The following KHDRBS2 variants were observed in gnomAD, a reference collection of about 807,000 sequenced individuals.
The protein encoded by KHDRBS2 is KH RNA binding domain containing, signal transduction associated 2, also known as KH domain-containing, RNA-binding, signal transduction-associated protein 2.
A neutral mutation model predicts 44.3 loss-of-function variants in KHDRBS2; 26 were observed. The ratio of observed to expected loss-of-function variants is 0.59; its 90% CI spans 0.43 to 0.81. The LOEUF (loss-of-function observed/expected upper bound fraction) is 0.81. Among genes scored for constraint, KHDRBS2 ranks in the 40% least tolerant of loss-of-function variants. The pLI is 0.00. For synonymous variants in KHDRBS2, 194 were observed against 151.1 expected, an observed-to-expected ratio of 1.28 and a Z score of -2.08; for missense variants, 476 against 433.1, an observed-to-expected ratio of 1.10 and a Z score of -0.88.
chr6:62,143,147 C>A (rs1247061639), intron 2 of KHDRBS2, among the ~76,000 whole-genome samples: 2 of 151,810 alleles, frequency 1.3e-5, no homozygotes, highest in African/African-American at 4.8e-5. Context: ...TCAAAAACTA[C>A]AGTAACGTTT....
At chr6:61,772,479 A>G (rs367879723) in intron 6 of KHDRBS2, among the ~76,000 whole-genome samples, 1 of 152,290 alleles carries the variant, frequency 6.6e-6, no homozygotes, top group Non-Finnish European at 1.5e-5. Flanking sequence ...GACAAAGGGG[A>G]TATCACCACC....
rs572623851 is a variant in KHDRBS2 at position 61,794,811 on chromosome 6, T to G, written c.811-62047A>C. ...TCAATAATGCTTAGTCAGTGAATTT[T>G]GGTAAATCTGACAAATTCTGCTAGA... On this transcript the variant is annotated intron_variant, in intron 6 of 8. Coordinates refer to ENST00000281156, the MANE Select transcript of KHDRBS2 (RefSeq NM_152688.4). 4.2e-3 allele frequency among the ~76,000 whole-genome samples: 635 copies of G among 152,184 alleles called. 5 individuals carry two copies. Among genetic ancestry groups the G allele is most frequent in the Non-Finnish European group, 5.4e-3 (365 of 67,996 alleles).
At chr6:61,923,788 C>G (rs1295202097) in intron 4 of KHDRBS2, among the ~76,000 whole-genome samples, 4 of 152,016 alleles carry the variant, frequency 2.6e-5, no homozygotes, top group African/African-American at 9.7e-5. Flanking sequence ...CACTTCTAGT[C>G]AACATTGCAC....
chr6:62,224,351 T>C (rs1831401875), intron 1 of KHDRBS2, among the ~76,000 whole-genome samples: 1 of 151,944 alleles, frequency 6.6e-6, no homozygotes, highest in Non-Finnish European at 1.5e-5. Context: ...TCCCAAAACA[T>C]GTGGGAGTAA....
intron 2 of KHDRBS2, among the ~76,000 whole-genome samples, chr6:62,089,971 T>C (rs1244429896): frequency 1.3e-5 from 2 of 152,062 alleles, no homozygotes; most frequent in African/African-American, 2.4e-5. Flanking sequence ...CGTCTGCATG[T>C]TGACTGGGGC....
Position 61,793,974 on chromosome 6 carries a change from C to T in KHDRBS2, c.811-61210G>A, listed in dbSNP as rs543040298. 1.0e-3 allele frequency among the ~76,000 whole-genome samples: 155 copies of T among 152,130 alleles called. 2 individuals are homozygous for T. The highest frequency in any genetic ancestry group is 3.4e-3 in the African/African-American group (143 of 41,510). ...CAATTTACCTACATGATGACAATTT[C>T]GGTACTGTGTTATGATTCAAATTCA... is the stretch of plus-strand genomic sequence containing the variant. On this transcript the variant is annotated intron_variant, in intron 6 of 8. Coordinates refer to ENST00000281156, the MANE Select transcript of KHDRBS2 (RefSeq NM_152688.4).
chr6:61,907,055 A>T (rs1205136946), intron 4 of KHDRBS2, among the ~76,000 whole-genome samples: 1 of 152,108 alleles, frequency 6.6e-6, no homozygotes, highest in Non-Finnish European at 1.5e-5. Context: ...CCTTTCTCCA[A>T]TTCCTTGCCA....
At chr6:61,686,615 G>A (rs1292326246) in intron 8 of KHDRBS2, among the ~76,000 whole-genome samples, 3 of 151,604 alleles carry the variant, frequency 2.0e-5, no homozygotes, top group East Asian at 1.9e-4. Flanking sequence ...AGTGCTAGGT[G>A]TTTTGTGTAT....
At chr6:61,990,360 A>G (rs1775897737) in intron 3 of KHDRBS2, among the ~76,000 whole-genome samples, 3 of 152,218 alleles carry the variant, frequency 2.0e-5, no homozygotes, top group Non-Finnish European at 4.4e-5. Flanking sequence ...TTAAAAATCT[A>G]CTTATATAAA....
chr6:62,126,077 C>A (rs551072146), intron 2 of KHDRBS2, among the ~76,000 whole-genome samples: 1 of 152,268 alleles, frequency 6.6e-6, no homozygotes, highest in Admixed American at 6.5e-5. Flanking sequence ...TATTGGATGG[C>A]ATTTCTGAAC....
the KHDRBS2 span, among the ~76,000 whole-genome samples, chr6:61,625,591 A>G: frequency 6.6e-6 from 1 of 152,056 alleles, no homozygotes; most frequent in African/African-American, 2.4e-5. Context: ...TGCCTGACAC[A>G]GCACTAAGCT....
Position 62,246,053 on chromosome 6 carries a change from T to C in KHDRBS2, c.91+39805A>G, listed in dbSNP as rs1453255235. Among the ~76,000 whole-genome samples the C allele has an allele frequency of 2.0e-5, 3 of 148,892 alleles. No individual in the cohort carries two copies. In the East Asian group the frequency reaches 6.0e-4, roughly 30 times the overall value. On this transcript the variant is annotated intron_variant, in intron 1 of 8. Coordinates refer to ENST00000281156, the MANE Select transcript of KHDRBS2 (RefSeq NM_152688.4). ...AAAGGTGACTTTCTGCTGAGGAGAA[T>C]ATAGTATTTTATGAGTTCTACAGCA...
intron 3 of KHDRBS2, among the ~76,000 whole-genome samples, chr6:62,010,758 C>T (rs569073840): frequency 3.9e-5 from 6 of 152,010 alleles, no homozygotes; most frequent in Admixed American, 6.6e-5. Flanking sequence ...CCTTCCACCA[C>T]GATTGTAATA....
the KHDRBS2 span, among the ~76,000 whole-genome samples, chr6:61,672,244 A>T: frequency 6.6e-6 from 1 of 151,636 alleles, no homozygotes; most frequent in African/African-American, 2.4e-5. Context: ...CCAGTCTATC[A>T]TTGTTGGACA....
intron 1 of KHDRBS2, among the ~76,000 whole-genome samples, chr6:62,257,176 T>A (rs1837519979): frequency 6.6e-6 from 1 of 152,002 alleles, no homozygotes; most frequent in African/African-American, 2.4e-5. Flanking sequence ...AGATCTTCTG[T>A]CCCAATCTTA....
At chr6:61,997,091 T>A (rs925344522) in intron 3 of KHDRBS2, among the ~76,000 whole-genome samples, 4 of 152,156 alleles carry the variant, frequency 2.6e-5, no homozygotes, top group Admixed American at 1.3e-4. Flanking sequence ...CATCCACACA[T>A]ATTTTTAAAC....
intron 1 of KHDRBS2, among the ~76,000 whole-genome samples, chr6:62,279,012 T>G (rs1385433321): frequency 1.3e-5 from 2 of 152,138 alleles, no homozygotes; most frequent in African/African-American, 4.8e-5. Context: ...GAGAATGGCC[T>G]GAACCCGGGA....
intron 1 of KHDRBS2, among the ~76,000 whole-genome samples, chr6:62,200,826 G>A (rs1390746642): frequency 6.6e-6 from 1 of 152,072 alleles, no homozygotes; most frequent in Non-Finnish European, 1.5e-5. Flanking sequence ...CAAAGACTTG[G>A]AACCAACCCA....
At chr6:61,995,825 A>T (rs1584040010) in intron 3 of KHDRBS2, among the ~76,000 whole-genome samples, 1 of 151,900 alleles carries the variant, frequency 6.6e-6, no homozygotes, top group African/African-American at 2.4e-5. Context: ...TTGATTCACC[A>T]CTCTTCTCCC....
Sources: gnomAD v4.1 joint callset for allele counts (sites outside exome capture counted in the v4.1 genomes callset) on GRCh38, gnomAD v4.1.1 for gene constraint, MANE v1.5 for transcripts, NCBI Gene and HGNC (gene_info 2026-07-23, HGNC 2026-07-21) for gene names.